The following PALS2 variants were observed in gnomAD, a reference collection of about 807,000 sequenced individuals.
PALS2 encodes the protein protein PALS2.
In PALS2, 27 loss-of-function variants were observed where a neutral mutation model predicts 61.6. The observed-to-expected ratio is 0.44, with a 90% CI of 0.32 to 0.60. PALS2 has a LOEUF of 0.60. Ranked by LOEUF, PALS2 falls within the 20% of genes least tolerant of loss-of-function variation. The pLI, the probability that PALS2 is intolerant of heterozygous loss-of-function variation, is 0.05. For missense variants in PALS2, 554 were observed against 639.4 expected (o/e 0.87, Z 1.44); for synonymous variants, 236 against 218.6 (o/e 1.08, Z -0.70).
chr7:24,680,553 C>T (rs747032078), intron 11 of PALS2, 33 bp downstream of exon 11: 2 of 1,588,092 alleles, frequency 1.3e-6, no homozygotes, highest in Non-Finnish European at 1.7e-6. Context: ...CTTCTAAAAT[C>T]TTTCCTTTTC....
At chr7:24,655,454 A>G (rs1223949565) in intron 5 of PALS2, among the ~76,000 whole-genome samples, 4 of 152,054 alleles carry the variant, frequency 2.6e-5, no homozygotes, top group African/African-American at 9.7e-5. Context: ...GATGGGATGG[A>G]ATGAGGGCAG....
chr7:24,579,654 C>CT (rs1190174768), intron 1 of PALS2, among the ~76,000 whole-genome samples: 2 of 151,950 alleles, frequency 1.3e-5, no homozygotes, highest in Non-Finnish European at 2.9e-5. Flanking sequence ...CAGCCCAGCA[C>CT]TTTGTTACCT....
intron 1 of PALS2, among the ~76,000 whole-genome samples, chr7:24,593,142 A>G (rs562126509): frequency 8.9e-4 from 135 of 152,284 alleles, no homozygotes; most frequent in Non-Finnish European, 1.6e-3. Flanking sequence ...TATTTACAGC[A>G]TCTTCACCAG....
In PALS2 at chr7:24,603,307, G is replaced by A. The variant is rs145584746; in HGVS notation, c.-2-20359G>A. Among the ~76,000 whole-genome samples the A allele has an allele frequency of 3.3e-3, 499 of 152,352 alleles. 1 individual carries two copies. Among genetic ancestry groups the A allele is most frequent in the Middle Eastern group, 0.014 (4 of 294 alleles). ...TTGTGGAGTGACTTGATTCAGGCTA[G>A]GGAAGAAAGAGAAGACACACAAACT... On this transcript the variant is annotated intron_variant, in intron 1 of 11. Transcript: ENST00000222644.
At chr7:24,586,618 A>G (rs568622793) in intron 1 of PALS2, among the ~76,000 whole-genome samples, 2 of 152,312 alleles carry the variant, frequency 1.3e-5, no homozygotes, top group South Asian at 4.1e-4. Context: ...ATAGATGGAA[A>G]GCTAGATATT....
At chr7:24,662,590 G>A (rs1457944820) in intron 5 of PALS2, among the ~76,000 whole-genome samples, 6 of 152,130 alleles carry the variant, frequency 3.9e-5, no homozygotes, top group African/African-American at 1.4e-4. Flanking sequence ...CCAACATGGT[G>A]AAACCTGGTC....
intron 9 of PALS2, among the ~76,000 whole-genome samples, chr7:24,676,214 A>G (rs570575934): frequency 0.016 from 2,442 of 151,692 alleles, 79 homozygotes; most frequent in African/African-American, 0.057. Flanking sequence ...CCACTTTTTG[A>G]TGGGGTTGTT....
intron 5 of PALS2, among the ~76,000 whole-genome samples, chr7:24,657,747 G>C (rs1275498531): frequency 6.6e-6 from 1 of 151,990 alleles, no homozygotes. Flanking sequence ...TCATCCTTTT[G>C]TGGCTTTAAG....
intron 9 of PALS2, 112 bp from the exon 10 acceptor site, chr7:24,679,019 C>T (rs993816656): frequency 1.2e-6 from 1 of 825,464 alleles, no homozygotes; most frequent in East Asian, 2.6e-5. Context: ...CTGGTCATAG[C>T]CTACAGTTTG....
At chr7:24,673,027 T>G (rs1478921514) in intron 9 of PALS2, among the ~76,000 whole-genome samples, 1 of 152,222 alleles carries the variant, frequency 6.6e-6, no homozygotes, top group Non-Finnish European at 1.5e-5. Context: ...TCTTTCCATT[T>G]TAGCTGTGGG....
intron 7 of PALS2, 75 bp from the exon 8 acceptor site, chr7:24,665,946 C>G: frequency 1.4e-6 from 2 of 1,381,678 alleles, no homozygotes; most frequent in Non-Finnish European, 2.0e-6. Context: ...TCTCCCACCC[C>G]TGTAAAATAC....
intron 5 of PALS2, among the ~76,000 whole-genome samples, chr7:24,659,782 CAGAG>C (rs1178352636): frequency 1.3e-5 from 2 of 152,200 alleles, no homozygotes; most frequent in Non-Finnish European, 2.9e-5. Flanking sequence ...AAGAGCTACA[CAGAG>C]AGAGGATGCA....
At chr7:24,577,489 G>T (rs1362145797) in intron 1 of PALS2, among the ~76,000 whole-genome samples, 1 of 151,952 alleles carries the variant, frequency 6.6e-6, no homozygotes, top group Non-Finnish European at 1.5e-5. Context: ...CCTTTCTACT[G>T]CTTGCTAGTT....
At chr7:24,604,384 C>G (rs996948282) in intron 1 of PALS2, among the ~76,000 whole-genome samples, 1 of 151,926 alleles carries the variant, frequency 6.6e-6, no homozygotes, top group African/African-American at 2.4e-5. Flanking sequence ...TGGATAGGCT[C>G]AACAGATTTA....
intron 3 of PALS2, among the ~76,000 whole-genome samples, chr7:24,646,012 T>C (rs974329631): frequency 6.6e-6 from 1 of 152,182 alleles, no homozygotes; most frequent in Non-Finnish European, 1.5e-5. Flanking sequence ...CAAAGGACTT[T>C]GTATCCTTGG....
chr7:24,593,384 C>T (rs945985271), intron 1 of PALS2, among the ~76,000 whole-genome samples: 6 of 152,106 alleles, frequency 3.9e-5, no homozygotes, highest in African/African-American at 1.2e-4. Flanking sequence ...TGTGAATCAA[C>T]ATTTTGAAGG....
At chr7:24,641,565 T>C in intron 2 of PALS2, 151 bp from the exon 3 acceptor site, 3 of 625,938 alleles carry the variant, frequency 4.8e-6, no homozygotes, top group Non-Finnish European at 7.9e-6. Context: ...GTAAAATCTA[T>C]ATATTGCCTC....
intron 5 of PALS2, among the ~76,000 whole-genome samples, chr7:24,651,808 A>C (rs1786166680): frequency 6.6e-6 from 1 of 152,232 alleles, no homozygotes; most frequent in South Asian, 2.1e-4. Flanking sequence ...CATATTGTTA[A>C]AATGAGAGTT....
intron 11 of PALS2, among the ~76,000 whole-genome samples, chr7:24,686,311 C>T (rs1290063223): frequency 2.0e-5 from 3 of 152,286 alleles, no homozygotes; most frequent in Middle Eastern, 3.4e-3. Context: ...CCTGCTTCCA[C>T]TCATGTCATG....
Sources: allele counts gnomAD v4.1 joint callset (sites outside exome capture counted in the v4.1 genomes callset), GRCh38; gene constraint gnomAD v4.1.1; transcripts MANE v1.5; gene names NCBI Gene and HGNC (gene_info 2026-07-23, HGNC 2026-07-21).